VPS8: variants seen among roughly 807,000 people sequenced by gnomAD.
VPS8 encodes vacuolar protein sorting-associated protein 8 homolog.
In VPS8, 129 loss-of-function variants were observed where a neutral mutation model predicts 216.4. That is an observed-to-expected ratio of 0.60 (90% confidence interval 0.52 to 0.69). VPS8 has a LOEUF of 0.69. Ranked by LOEUF, VPS8 falls within the 30% of genes least tolerant of loss-of-function variation. The pLI, the probability that VPS8 is intolerant of heterozygous loss-of-function variation, is 0.00. For synonymous variants in VPS8, 571 were observed against 565.4 expected (o/e 1.01, Z -0.14); for missense variants, 1,531 against 1,683.5 (o/e 0.91, Z 1.59).
chr3:184,931,708 T>G (rs1447853727), intron 34 of VPS8, among the ~76,000 whole-genome samples: 2 of 152,174 alleles, frequency 1.3e-5, no homozygotes, highest in East Asian at 1.9e-4. Context: ...TGTTGTTATA[T>G]TTCTGCTAAC....
chr3:184,999,594 C>G, intron 44 of VPS8, 102 bp from the exon 45 acceptor site: 1 of 1,372,628 alleles, frequency 7.3e-7, no homozygotes, highest in Non-Finnish European at 9.7e-7. Context: ...CAGTGCATTT[C>G]TACTTGTTAG....
At chr3:184,991,795 G>A (rs965091268) in intron 42 of VPS8, among the ~76,000 whole-genome samples, 14 of 152,106 alleles carry the variant, frequency 9.2e-5, no homozygotes, top group African/African-American at 3.1e-4. Flanking sequence ...TGTGCAGTGG[G>A]TATATGGCTT....
chr3:184,969,164 C>G (rs1485852515), intron 39 of VPS8, among the ~76,000 whole-genome samples: 1 of 152,128 alleles, frequency 6.6e-6, no homozygotes, highest in Non-Finnish European at 1.5e-5. Flanking sequence ...GTTGCCCAGG[C>G]TGGAGTGCAG....
At chr3:184,910,832 A>C (rs1440474924) in intron 25 of VPS8, among the ~76,000 whole-genome samples, 1 of 152,114 alleles carries the variant, frequency 6.6e-6, no homozygotes, top group Non-Finnish European at 1.5e-5. Flanking sequence ...TCCTCCCCCA[A>C]ATGAGGCTGA....
chr3:184,986,779 G>A (rs1389776323), intron 42 of VPS8, among the ~76,000 whole-genome samples: 3 of 152,162 alleles, frequency 2.0e-5, no homozygotes, highest in Non-Finnish European at 4.4e-5. Flanking sequence ...TTAAGTACTA[G>A]AGCAGTATTA....
At chr3:184,886,370 G>T (rs1053987485) in intron 22 of VPS8, among the ~76,000 whole-genome samples, 1 of 151,910 alleles carries the variant, frequency 6.6e-6, no homozygotes, top group Admixed American at 6.6e-5. Context: ...TTGTCTGTGT[G>T]GCAGGATATT....
intron 25 of VPS8, among the ~76,000 whole-genome samples, chr3:184,902,427 G>T (rs887759695): frequency 1.3e-5 from 2 of 151,818 alleles, no homozygotes; most frequent in Non-Finnish European, 2.9e-5. Context: ...AGTGAGCCAA[G>T]ATCGTGCCAC....
chr3:184,844,728 C>G (rs539384778), intron 8 of VPS8, among the ~76,000 whole-genome samples: 7 of 152,278 alleles, frequency 4.6e-5, no homozygotes, highest in East Asian at 3.9e-4. Context: ...GAGATCTACT[C>G]TAAGCAAAGT....
At chr3:184,995,539 C>G (rs1271152364) in intron 43 of VPS8, among the ~76,000 whole-genome samples, 3 of 152,182 alleles carry the variant, frequency 2.0e-5, no homozygotes, top group Admixed American at 6.5e-5. Context: ...TATTGCATTA[C>G]AGGCAAAGTT....
chr3:184,893,337 T>C, intron 22 of VPS8: 1 of 1,271,554 alleles, frequency 7.9e-7, no homozygotes, highest in Non-Finnish European at 1.0e-6. Context: ...AATAAACCAT[T>C]TACCACTTTC....
At chr3:184,886,035 A>G in intron 21 of VPS8, 75 bp from the exon 22 acceptor site, 1 of 1,492,604 alleles carries the variant, frequency 6.7e-7, no homozygotes, top group Non-Finnish European at 9.2e-7. Context: ...AAAGCATCTT[A>G]AGCAGACCTG....
In VPS8 at chr3:184,856,151, C is replaced by T. The variant is rs779758423; in HGVS notation, c.1143+333C>T. On this transcript the variant is annotated intron_variant, in intron 14 of 47. Transcript: ENST00000625842. ...AATGACAGCAAGTATCATTGAGCAC[C>T]TATTATGTCCTCTACACTGTGATGG... Among the ~76,000 whole-genome samples, 6 of 152,252 alleles carry T rather than the reference C, an allele frequency of 3.9e-5. No individual in the cohort carries two copies. In the East Asian group the frequency reaches 1.2e-3, roughly 29 times the overall value.
chr3:185,038,639 G>C (rs556768965), intron 46 of VPS8, among the ~76,000 whole-genome samples: 1 of 152,262 alleles, frequency 6.6e-6, no homozygotes, highest in African/African-American at 2.4e-5. Context: ...CAGTTCCTCT[G>C]GGAAAAGATT....
At chr3:184,981,809 T>C (rs1199883522) in intron 40 of VPS8, among the ~76,000 whole-genome samples, 1 of 152,224 alleles carries the variant, frequency 6.6e-6, no homozygotes, top group African/African-American at 2.4e-5. Flanking sequence ...ACTGGCTGTG[T>C]GATCTTTGAA....
At chr3:184,863,112 A>C in intron 16 of VPS8, 45 bp downstream of exon 16, 1 of 1,596,612 alleles carries the variant, frequency 6.3e-7, no homozygotes, top group South Asian at 1.1e-5. Flanking sequence ...ATACTTTGAT[A>C]AACTTGGTAT....
intron 25 of VPS8, among the ~76,000 whole-genome samples, chr3:184,901,749 C>CCCT (rs1334675848): frequency 6.6e-6 from 1 of 152,034 alleles, no homozygotes; most frequent in East Asian, 1.9e-4. Flanking sequence ...CATTCCTGAC[C>CCCT]CCTAGCTGTA....
rs541880863 is a variant in VPS8, at chr3:184,890,766, T to C, written c.1782-3937T>C. Reference sequence around the variant, plus strand: ...GGTTAAAATTTGGCATTAGAGTCTTTTGTAAATTACTTAATATCAGAAATG... The same window carrying C: ...GGTTAAAATTTGGCATTAGAGTCTTCTGTAAATTACTTAATATCAGAAATG... On this transcript the variant is annotated intron_variant, in intron 22 of 47. Transcript: ENST00000625842. Among the ~76,000 whole-genome samples the C allele has an allele frequency of 8.5e-5, 13 of 152,310 alleles. No individual in the cohort carries two copies. In the South Asian group the frequency reaches 2.5e-3, roughly 29 times the overall value.
In VPS8 at chr3:184,825,100, C is replaced by T. The variant is rs184827035; in HGVS notation, c.153+315C>T. 376 of 273,906 alleles carry T rather than the reference C, an allele frequency of 1.4e-3. 1 individual carries two copies. The highest frequency in any genetic ancestry group is 7.8e-3 in the African/African-American group (358 of 45,714). The allele number at this position is 273,906 out of a possible 1,614,324, so 17.0% of individuals were successfully genotyped here. A position where few individuals can be genotyped will look rare whatever the true frequency, so the allele number is the denominator to read the frequency against. ...TTTAATTTTTTTGTAGAGAGGGTCTCGCCATGTTGCCCAGGCTGGTCTCAA... is the reference window on the plus strand; with the variant it reads ...TTTAATTTTTTTGTAGAGAGGGTCTTGCCATGTTGCCCAGGCTGGTCTCAA... On this transcript the variant is annotated intron_variant, in intron 2 of 47. Coordinates refer to ENST00000625842, the MANE Select transcript of VPS8 (RefSeq NM_001009921.3).
At chr3:184,943,876 C>T (rs369613616) in intron 36 of VPS8, among the ~76,000 whole-genome samples, 9 of 152,278 alleles carry the variant, frequency 5.9e-5, no homozygotes, top group African/African-American at 1.4e-4. Flanking sequence ...CCAAGGCGGG[C>T]GGACCACCTG....
Sources: gnomAD v4.1 joint callset for allele counts (sites outside exome capture counted in the v4.1 genomes callset) on GRCh38, gnomAD v4.1.1 for gene constraint, MANE v1.5 for transcripts, NCBI Gene and HGNC (gene_info 2026-07-23, HGNC 2026-07-21) for gene names.